LEKR1: variants seen among roughly 807,000 people sequenced by gnomAD.
LEKR1 encodes protein LEKR1.
Under a neutral mutation model 72.4 loss-of-function variants are expected in LEKR1, and 59 were observed. The ratio of observed to expected loss-of-function variants is 0.82; its 90% CI spans 0.66 to 1.01. The LOEUF (loss-of-function observed/expected upper bound fraction) is 1.01, where lower values mean the gene tolerates loss of function less well. LEKR1 is among the 50% of genes least tolerant of loss of function. LEKR1 has a pLI of 0.00. For synonymous variants in LEKR1, 257 were observed against 263.2 expected (o/e 0.98, Z 0.23); for missense variants, 728 against 759.2 (o/e 0.96, Z 0.48).
intron 6 of LEKR1, 131 bp downstream of exon 6, chr3:156,942,845 A>C (rs866995838): frequency 1.1e-5 from 4 of 364,616 alleles, no homozygotes; most frequent in South Asian, 6.6e-5. Context: ...CCTAATTATT[A>C]GTATCACTAT....
intron 10 of LEKR1, among the ~76,000 whole-genome samples, chr3:157,023,659 G>A (rs1214735118): frequency 6.6e-6 from 1 of 152,058 alleles, no homozygotes; most frequent in Non-Finnish European, 1.5e-5. Context: ...TACCAGGAAG[G>A]GTTACAGTCA....
chr3:157,019,312 A>G (rs1380597665), intron 10 of LEKR1, among the ~76,000 whole-genome samples: 1 of 152,134 alleles, frequency 6.6e-6, no homozygotes, highest in Non-Finnish European at 1.5e-5. Flanking sequence ...GAAAATAGTG[A>G]AAAGGCAGTA....
At chr3:156,892,299 C>A (rs756345175) in intron 3 of LEKR1, among the ~76,000 whole-genome samples, 2 of 152,038 alleles carry the variant, frequency 1.3e-5, no homozygotes, top group African/African-American at 2.4e-5. Flanking sequence ...AGACAAGATT[C>A]TGAAGGAGAG....
intron 3 of LEKR1, among the ~76,000 whole-genome samples, chr3:156,856,151 A>T (rs1716033495): frequency 6.6e-6 from 1 of 152,150 alleles, no homozygotes; most frequent in Admixed American, 6.6e-5. Context: ...ATATAATTTG[A>T]GGTAGATTTC....
chr3:156,955,361 G>C lies in LEKR1; in HGVS notation c.745+12647G>C, dbSNP rs141216369. 2.1e-3 allele frequency among the ~76,000 whole-genome samples: 313 copies of C among 151,860 alleles called. 2 individuals are homozygous for C. The Middle Eastern group carries it at 0.027, about 13-fold the overall frequency. ...TTTCTTTCACTTGCCTGATTGCTCC[G>C]GCCAGAACTTTCAATACTATGTTTT... On this transcript the variant is annotated intron_variant, in intron 6 of 12. Transcript: ENST00000356539.
intron 3 of LEKR1, among the ~76,000 whole-genome samples, chr3:156,908,287 C>T (rs1722729117): frequency 6.6e-6 from 1 of 151,974 alleles, no homozygotes; most frequent in Non-Finnish European, 1.5e-5. Context: ...CAACCTTTTA[C>T]CTGTTTTTTC....
At chr3:156,982,529 C>T (rs1050673215) in intron 7 of LEKR1, among the ~76,000 whole-genome samples, 2 of 152,276 alleles carry the variant, frequency 1.3e-5, no homozygotes, top group African/African-American at 2.4e-5. Flanking sequence ...GCTACAATTA[C>T]CTTAGACCAA....
At chr3:156,918,096 T>A (rs562425009) in intron 3 of LEKR1, among the ~76,000 whole-genome samples, 1 of 152,200 alleles carries the variant, frequency 6.6e-6, no homozygotes, top group East Asian at 1.9e-4. Context: ...CAAAAAGTTA[T>A]ACAAGAAAGA....
chr3:156,934,079 CTAGT>C (rs1725486857), intron 5 of LEKR1, among the ~76,000 whole-genome samples: 1 of 152,190 alleles, frequency 6.6e-6, no homozygotes, highest in Non-Finnish European at 1.5e-5. Flanking sequence ...GCTGACTGCT[CTAGT>C]TAAAGTTGTC....
rs557319579 is a variant in LEKR1 at position 156,942,188 on chromosome 3, T to TA, written c.560-333dup. 1.7e-4 allele frequency among the ~76,000 whole-genome samples: 26 copies of TA among 151,832 alleles called. No individual in the cohort carries two copies. In the South Asian group the frequency reaches 4.6e-3, roughly 27 times the overall value. On this transcript the variant is annotated intron_variant, in intron 5 of 12. Coordinates refer to ENST00000356539, the MANE Select transcript of LEKR1 (RefSeq NM_001004316.3). ...ATTTACTTTTCTGAATCATGTTGCT[T>TA]AAAAAAAAGATCATTTCAATAAAAC...
chr3:156,870,087 A>G (rs1260988014), intron 3 of LEKR1, among the ~76,000 whole-genome samples: 1 of 152,018 alleles, frequency 6.6e-6, no homozygotes, highest in African/African-American at 2.4e-5. Context: ...TGCCAATTGC[A>G]TGTTGTTTTA....
chr3:157,014,383 G>C (rs1045530816), intron 10 of LEKR1, among the ~76,000 whole-genome samples: 5 of 152,034 alleles, frequency 3.3e-5, no homozygotes, highest in African/African-American at 1.2e-4. Flanking sequence ...ACTAGATTGA[G>C]AGTGAAAATG....
chr3:156,887,056 C>A (rs867683459), intron 3 of LEKR1, among the ~76,000 whole-genome samples: 1 of 152,104 alleles, frequency 6.6e-6, no homozygotes, highest in African/African-American at 2.4e-5. Context: ...TTTCAATATT[C>A]TCTTATAGTA....
intron 12 of LEKR1, among the ~76,000 whole-genome samples, chr3:157,040,230 T>C (rs576307234): frequency 6.6e-6 from 1 of 152,344 alleles, no homozygotes; most frequent in East Asian, 1.9e-4. Flanking sequence ...CTAAATTAAG[T>C]TGGATTATTG....
intron 3 of LEKR1, among the ~76,000 whole-genome samples, chr3:156,879,483 A>T (rs972423137): frequency 2.6e-5 from 4 of 152,236 alleles, no homozygotes; most frequent in Non-Finnish European, 4.4e-5. Flanking sequence ...GGGAAACAGC[A>T]TAAAAGTTCA....
At chr3:156,942,451 A>G (rs2107968826) in intron 5 of LEKR1, 78 bp from the exon 6 acceptor site, 2 of 443,838 alleles carry the variant, frequency 4.5e-6, no homozygotes. Flanking sequence ...AATTTTCTAA[A>G]AGAAACTAAT....
intron 3 of LEKR1, among the ~76,000 whole-genome samples, chr3:156,873,627 G>A (rs1015725055): frequency 1.3e-5 from 2 of 151,074 alleles, no homozygotes; most frequent in Non-Finnish European, 3.0e-5. Flanking sequence ...GGTATTTATT[G>A]TCCTTTTAAT....
chr3:156,964,272 C>T (rs907719031), intron 6 of LEKR1, among the ~76,000 whole-genome samples: 6 of 151,972 alleles, frequency 3.9e-5, no homozygotes, highest in Admixed American at 6.6e-5. Flanking sequence ...ACCCTTCCCC[C>T]CTCCTATTTT....
Position 157,011,442 on chromosome 3 carries a change from G to A in LEKR1, c.1139G>A (p.Ser380Asn). 6.2e-7 allele frequency: 1 copy of A among 1,613,108 alleles called. No individual in the cohort carries two copies. The highest frequency in any genetic ancestry group is 8.5e-7 in the Non-Finnish European group (1 of 1,179,302). ...RELMLISHQK[S>N]IEQLQETLRQ... is the part of the protein sequence containing the mutation. ...TTGATGCTGATTTCACATCAGAAAA[G>A]CATCGAGCAGCTGCAAGAAACCCTT... The change falls in exon 10 of 13, where the codon AGC (serine) becomes AAC (asparagine). Residue 380 changes from serine (S) to asparagine (N), a missense_variant. Physicochemically the swap from Ser to Asn is conservative, Grantham distance 46 (BLOSUM62 1). Coordinates refer to ENST00000356539, the MANE Select transcript of LEKR1 (RefSeq NM_001004316.3).
Sources: gnomAD v4.1 joint callset for allele counts (sites outside exome capture counted in the v4.1 genomes callset) on GRCh38, gnomAD v4.1.1 for gene constraint, MANE v1.5 for transcripts, NCBI Gene and HGNC (gene_info 2026-07-23, HGNC 2026-07-21) for gene names.